TSPAN4: variants seen among roughly 807,000 people sequenced by gnomAD.
TSPAN4 encodes tetraspanin 4, also known as tetraspanin-4.
In TSPAN4, 38 loss-of-function variants were observed where a neutral mutation model predicts 31.5. The ratio of observed to expected loss-of-function variants is 1.21; its 90% confidence interval spans 0.93 to 1.58. The LOEUF is 1.58. TSPAN4 is among the 40% of genes most tolerant of loss of function. TSPAN4 has a pLI of 0.00. For synonymous variants in TSPAN4, 186 were observed against 144.6 expected (o/e 1.29, Z -2.06); for missense variants, 330 against 317.3 (o/e 1.04, Z -0.30).
intron 3 of TSPAN4, among the ~76,000 whole-genome samples, chr11:854,223 G>T (rs1330507583): frequency 6.6e-6 from 1 of 152,228 alleles, no homozygotes; most frequent in Non-Finnish European, 1.5e-5. Flanking sequence ...CTGCTCCCCA[G>T]GGTGGGTGCT....
chr11:845,401 G>A (rs184485302), intron 1 of TSPAN4, among the ~76,000 whole-genome samples: 2 of 152,116 alleles, frequency 1.3e-5, no homozygotes, highest in East Asian at 1.9e-4. Context: ...TCCTCTCTAC[G>A]GTCCTGGGAG....
intron 2 of TSPAN4, 29 bp from the exon 3 acceptor site, chr11:850,259 C>T (rs747769518): frequency 1.2e-5 from 19 of 1,575,238 alleles, no homozygotes; most frequent in Non-Finnish European, 7.8e-6. Context: ...TGGTTTTCTA[C>T]CTGGACCTCT....
At chr11:865,854 G>T (rs1385550823) in intron 7 of TSPAN4, 29 bp downstream of exon 7, 28 of 1,612,546 alleles carry the variant, frequency 1.7e-5, no homozygotes, top group Non-Finnish European at 2.3e-5. Flanking sequence ...CTGGGGGCTG[G>T]TAGGGGCCTA....
rs907973367 is a variant in TSPAN4, at chr11:850,195, C to A, written c.-17-93C>A. 2.8e-6 allele frequency: 3 copies of A among 1,082,206 alleles called. No individual in the cohort carries two copies. The East Asian group carries it at 8.3e-5, about 30-fold the overall frequency. 67.0% of individuals were successfully genotyped at this position (1,082,206 alleles called of 1,614,324 possible). Reference sequence around the variant, plus strand: ...TCCTTCTTCGGCCTGCACGCGAACCCCGGCCCCAAGGCGGCCCAGGCGCGC... The same window carrying A: ...TCCTTCTTCGGCCTGCACGCGAACCACGGCCCCAAGGCGGCCCAGGCGCGC... On this transcript the variant is annotated intron_variant, in intron 2 of 8. Transcript: ENST00000397397.
chr11:866,759 C>T lies in TSPAN4; in HGVS notation c.*129C>T. ...GGAGGAGGGAGGGAGGGACAGGTGC[C>T]TGGAGCCCCCGGAACCCTGTTTCTG... is the stretch of plus-strand genomic sequence containing the variant. On this transcript the variant is annotated 3_prime_UTR_variant, in exon 9 of 9. Coordinates refer to ENST00000397397, the MANE Select transcript of TSPAN4 (RefSeq NM_003271.5). 1.0e-6 allele frequency: 1 copy of T among 964,358 alleles called. No homozygotes were observed. The highest frequency in any genetic ancestry group is 2.9e-5 in the East Asian group (1 of 34,518). 59.7% of individuals were successfully genotyped at this position (964,358 alleles called of 1,614,324 possible).
At chr11:862,482 T>C in intron 3 of TSPAN4, 68 bp from the exon 4 acceptor site, 14 of 1,423,176 alleles carry the variant, frequency 9.8e-6, no homozygotes, top group Non-Finnish European at 1.2e-5. Flanking sequence ...GGCCGGGCTC[T>C]GCCCTGGGGT....
rs993879987 is a variant in TSPAN4 at position 848,869 on chromosome 11, G to A, written c.-17-1419G>A. On this transcript the variant is annotated intron_variant, in intron 2 of 8. Coordinates refer to ENST00000397397, the MANE Select transcript of TSPAN4 (RefSeq NM_003271.5). This position sits in a 1 kb window ranked among gnomAD's most constrained non-coding sequence, Gnocchi z 5.7. ...GGCCTCTGTCCCCATCTCCGGCTGTGGGAGGTGTGTGCGCATCCGGCGTGA... is the reference window on the plus strand; with the variant it reads ...GGCCTCTGTCCCCATCTCCGGCTGTAGGAGGTGTGTGCGCATCCGGCGTGA... 4.3e-6 allele frequency: 3 copies of A among 702,362 alleles called. No homozygotes were observed. Among genetic ancestry groups the A allele is most frequent in the African/African-American group, 3.5e-5 (2 of 56,696 alleles). The allele number at this position is 702,362 out of a possible 1,614,324, so 43.5% of individuals were successfully genotyped here. A position where few individuals can be genotyped will look rare whatever the true frequency, so the allele number is the denominator to read the frequency against.
At chr11:850,003 C>T (rs1443795988) in intron 2 of TSPAN4, 2 of 175,322 alleles carry the variant, frequency 1.1e-5, no homozygotes, top group African/African-American at 2.4e-5. Flanking sequence ...GGGCGCTGAG[C>T]GGCGGCCCCG....
intron 3 of TSPAN4, among the ~76,000 whole-genome samples, chr11:850,931 G>C (rs1847655363): frequency 6.6e-6 from 1 of 152,278 alleles, no homozygotes; most frequent in African/African-American, 2.4e-5. Context: ...ACACTGAGCA[G>C]GGCCGTGGGC....
chr11:857,496 G>A (rs1170826862), intron 3 of TSPAN4: 2 of 140,222 alleles, frequency 1.4e-5, no homozygotes, highest in African/African-American at 2.7e-5. Context: ...TCCGCCTCCT[G>A]GGTTCACGCC....
At chr11:866,180 C>T (rs1386144889) in intron 8 of TSPAN4, among the ~76,000 whole-genome samples, 179 bp downstream of exon 8, 1 of 152,142 alleles carries the variant, frequency 6.6e-6, no homozygotes, top group Non-Finnish European at 1.5e-5. Context: ...AGTGGGCTCC[C>T]TCTTAGTGGA....
intron 2 of TSPAN4, among the ~76,000 whole-genome samples, chr11:849,631 T>G (rs1446585293): frequency 6.7e-6 from 1 of 150,022 alleles, no homozygotes; most frequent in African/African-American, 2.4e-5. Flanking sequence ...CGCGCGAAGG[T>G]GGGGGGGCTG....
chr11:848,727 T>C lies in TSPAN4; in HGVS notation c.-18+1427T>C. On this transcript the variant is annotated intron_variant, in intron 2 of 8. Transcript: ENST00000397397. The surrounding 1 kb of genome is among the most constrained non-coding windows in gnomAD (Gnocchi z 5.7). ...TCATTCCCCACCTCTGGGCTTCAGG[T>C]CATCTGCCAGGAATCTGGGCCACGT... 1 of 524,570 alleles carries C rather than the reference T, an allele frequency of 1.9e-6. No individual in the cohort carries two copies. Among genetic ancestry groups the C allele is most frequent in the Non-Finnish European group, 3.4e-6 (1 of 293,750 alleles). The allele number at this position is 524,570 out of a possible 1,614,324, so 32.5% of individuals were successfully genotyped here.
chr11:866,778 G>C lies in TSPAN4; in HGVS notation c.*148G>C. The C allele has an allele frequency of 1.2e-6, 1 of 849,858 alleles. No individual in the cohort carries two copies. The highest frequency in any genetic ancestry group is 1.7e-6 in the Non-Finnish European group (1 of 572,352). 52.6% of individuals were successfully genotyped at this position (849,858 alleles called of 1,614,324 possible). A position where few individuals can be genotyped will look rare whatever the true frequency, so the allele number is the denominator to read the frequency against. Reference sequence around the variant, plus strand: ...AGGTGCCTGGAGCCCCCGGAACCCTGTTTCTGGAAGGCCCTAGCTCAGGTG... The same window carrying C: ...AGGTGCCTGGAGCCCCCGGAACCCTCTTTCTGGAAGGCCCTAGCTCAGGTG... On this transcript the variant is annotated 3_prime_UTR_variant, in exon 9 of 9. Transcript: ENST00000397397.
At position 866,109 on chromosome 11, in the gene TSPAN4, A is replaced by AC; in HGVS notation, c.648+108_648+109insC. ...GCCCCCAGGAACCCACGATCGGGGG[A>AC]GGCCGGGGCAAAAGCAGGAGGGCGA... is the stretch of plus-strand genomic sequence containing the variant. On this transcript the variant is annotated intron_variant, in intron 8 of 8. Transcript: ENST00000397397. 4 of 1,232,308 alleles carry AC rather than the reference A, an allele frequency of 3.2e-6. No homozygotes were observed. The South Asian group carries it at 5.3e-5, about 16-fold the overall frequency. The allele number at this position is 1,232,308 out of a possible 1,614,324, so 76.3% of individuals were successfully genotyped here. A position where few individuals can be genotyped will look rare whatever the true frequency, so the allele number is the denominator to read the frequency against.
chr11:862,884 C>T (rs954448764), intron 4 of TSPAN4, 143 bp downstream of exon 4: 15 of 906,390 alleles, frequency 1.7e-5, no homozygotes, highest in Admixed American at 3.0e-5. Context: ...CAGTGTGGCC[C>T]GGGGCCCTGG....
At chr11:864,704 T>C (rs1206778410) in intron 5 of TSPAN4, 193 bp downstream of exon 5, 32 of 678,810 alleles carry the variant, frequency 4.7e-5, no homozygotes, top group Non-Finnish European at 1.0e-5. Context: ...TGTGGCTCTA[T>C]AGCGACTGGG....
rs1388255599 is a variant in TSPAN4, at chr11:861,706, G to A, written c.64-844G>A. On this transcript the variant is annotated intron_variant, in intron 3 of 8. Transcript: ENST00000397397. ...CAGCCTGGGTGACAGTGCGAGACTC[G>A]GTATCAAAAAAAAAACAAAAAAGAC... Among the ~76,000 whole-genome samples, 9 of 150,596 alleles carry A rather than the reference G, an allele frequency of 6.0e-5. No individual in the cohort carries two copies. The South Asian group carries it at 8.4e-4, about 14-fold the overall frequency.
At position 846,537 on chromosome 11, in the gene TSPAN4, T is replaced by G. The variant is rs548232680; in HGVS notation, c.-117-664T>G. ...GGGGTTGAGCCAGCAGGGCAGGGAG[T>G]AGTGGGCACTGCGTTTGGCTGCCCA... On this transcript the variant is annotated intron_variant, in intron 1 of 8. Transcript: ENST00000397397. 2.0e-5 allele frequency among the ~76,000 whole-genome samples: 3 copies of G among 151,748 alleles called. No individual in the cohort carries two copies. In the East Asian group the frequency reaches 5.8e-4, roughly 29 times the overall value.
Sources: allele counts gnomAD v4.1 joint callset (sites outside exome capture counted in the v4.1 genomes callset), GRCh38; gene constraint gnomAD v4.1.1; non-coding constraint Gnocchi (gnomAD v3.1); transcripts MANE v1.5; gene names NCBI Gene and HGNC (gene_info 2026-07-23, HGNC 2026-07-21).